Variants in SDK1 observed in about 807,000 individuals in gnomAD.
SDK1 encodes sidekick cell adhesion molecule 1.
A neutral mutation model predicts 245.5 loss-of-function variants in SDK1; 157 were observed. The observed-to-expected ratio is 0.64, with a 90% CI of 0.56 to 0.73. SDK1 has a LOEUF of 0.73. SDK1 is among the 30% of genes least tolerant of loss of function. The probability of loss-of-function intolerance (pLI) is 0.00; values close to 1 mark genes in which losing one functional copy is unlikely to be tolerated. For synonymous variants in SDK1, 1,647 were observed against 1,278.5 expected, an observed-to-expected ratio of 1.29 and a Z score of -6.15; for missense variants, 3,583 against 3,002.3, an observed-to-expected ratio of 1.19 and a Z score of -4.52.
intron 4 of SDK1, among the ~76,000 whole-genome samples, chr7:3,649,973 A>G (rs910175889): frequency 1.3e-5 from 2 of 151,936 alleles, no homozygotes; most frequent in Admixed American, 6.6e-5. Flanking sequence ...TATTCTGTAC[A>G]CAGTGGGAAG....
chr7:4,231,900 A>G (rs1229567446), intron 40 of SDK1, among the ~76,000 whole-genome samples: 2 of 152,226 alleles, frequency 1.3e-5, no homozygotes, highest in Non-Finnish European at 2.9e-5. Context: ...TAAAGTAGTC[A>G]GCACGGGTAC....
intron 5 of SDK1, 91 bp downstream of exon 5, chr7:3,821,674 A>G (rs1779649642): frequency 1.4e-6 from 2 of 1,415,556 alleles, no homozygotes; most frequent in Non-Finnish European, 1.9e-6. Flanking sequence ...TTTGCAATAA[A>G]TTTTCTCTCT....
At chr7:3,647,650 G>A (rs1355615034) in intron 4 of SDK1, among the ~76,000 whole-genome samples, 4 of 151,882 alleles carry the variant, frequency 2.6e-5, no homozygotes, top group Non-Finnish European at 5.9e-5. Context: ...GGCTGGTCTC[G>A]AACTCCTGAC....
intron 1 of SDK1, among the ~76,000 whole-genome samples, chr7:3,561,029 T>C (rs922079662): frequency 6.6e-5 from 10 of 152,276 alleles, no homozygotes; most frequent in East Asian, 1.9e-4. Context: ...ACATCTAACA[T>C]ACTATATGTT....
At chr7:3,776,352 A>C (rs970769800) in intron 4 of SDK1, among the ~76,000 whole-genome samples, 5 of 152,214 alleles carry the variant, frequency 3.3e-5, no homozygotes, top group Non-Finnish European at 7.3e-5. Context: ...TCTGTTTCCC[A>C]GTTGCACGGT....
At chr7:3,476,024 A>G (rs1049001125) in intron 1 of SDK1, 15 of 152,734 alleles carry the variant, frequency 9.8e-5, no homozygotes, top group African/African-American at 3.6e-4. Context: ...TTTCCTATTC[A>G]TCATCAAAAA....
chr7:4,240,516 C>T (rs927215194), intron 42 of SDK1, among the ~76,000 whole-genome samples: 2 of 152,136 alleles, frequency 1.3e-5, no homozygotes. Flanking sequence ...TCATTTTCTG[C>T]TCTGTGTTCT....
At chr7:3,527,226 T>C (rs1230915992) in intron 1 of SDK1, among the ~76,000 whole-genome samples, 1 of 152,198 alleles carries the variant, frequency 6.6e-6, no homozygotes, top group African/African-American at 2.4e-5. Flanking sequence ...TTGTAAGCAA[T>C]GGGAATGCTA....
chr7:3,869,718 G>A (rs1235913251), intron 5 of SDK1, among the ~76,000 whole-genome samples: 1 of 152,204 alleles, frequency 6.6e-6, no homozygotes, highest in Non-Finnish European at 1.5e-5. Context: ...GATCTCACCT[G>A]ACATTGAGAG....
chr7:3,533,867 GT>G (rs1159109774), intron 1 of SDK1, among the ~76,000 whole-genome samples: 1 of 150,298 alleles, frequency 6.7e-6, no homozygotes, highest in Non-Finnish European at 1.5e-5. Context: ...TTTGTTGCCT[GT>G]TTCATCTTCC....
At chr7:3,906,156 C>T (rs1778912872) in intron 5 of SDK1, among the ~76,000 whole-genome samples, 1 of 152,076 alleles carries the variant, frequency 6.6e-6, no homozygotes, top group South Asian at 2.1e-4. Flanking sequence ...TTGTCCTCAC[C>T]TTTGAGTTTT....
At chr7:3,407,229 A>AATTTC (rs780376398) in intron 1 of SDK1, among the ~76,000 whole-genome samples, 37 of 152,284 alleles carry the variant, frequency 2.4e-4, no homozygotes, top group Middle Eastern at 3.4e-3. Context: ...TTGCGTGAAA[A>AATTTC]ATTTCATAGA....
intron 17 of SDK1, among the ~76,000 whole-genome samples, chr7:4,021,271 C>T (rs1786872574): frequency 6.6e-6 from 1 of 152,202 alleles, no homozygotes; most frequent in East Asian, 1.9e-4. Context: ...CACCCCTCAT[C>T]TATCCACAGA....
intron 17 of SDK1, among the ~76,000 whole-genome samples, chr7:4,046,967 C>G (rs1789060756): frequency 6.6e-6 from 1 of 152,096 alleles, no homozygotes; most frequent in Admixed American, 6.5e-5. Context: ...TTCCAATGCA[C>G]CCATGTGATA....
intron 1 of SDK1, among the ~76,000 whole-genome samples, chr7:3,331,407 C>T (rs1302223572): frequency 1.3e-5 from 2 of 152,190 alleles, no homozygotes; most frequent in Admixed American, 6.5e-5. Context: ...TAATGTTGAG[C>T]ATCTTTTCAT....
At chr7:3,339,193 A>G (rs1197400825) in intron 1 of SDK1, among the ~76,000 whole-genome samples, 1 of 152,246 alleles carries the variant, frequency 6.6e-6, no homozygotes. Context: ...TAATAAAGAC[A>G]GAGGCATAAG....
chr7:4,034,960 A>G (rs1788106716), intron 17 of SDK1, among the ~76,000 whole-genome samples: 4 of 152,224 alleles, frequency 2.6e-5, no homozygotes, highest in Non-Finnish European at 4.4e-5. Flanking sequence ...ATGTAAATAT[A>G]TTTTATCTAT....
intron 5 of SDK1, among the ~76,000 whole-genome samples, chr7:3,874,183 G>C (rs1023542503): frequency 6.6e-6 from 1 of 152,162 alleles, no homozygotes; most frequent in African/African-American, 2.4e-5. Flanking sequence ...TCATTGCCAT[G>C]GTTACCCTCA....
At chr7:3,635,062 C>G (rs1471172118) in intron 2 of SDK1, among the ~76,000 whole-genome samples, 1 of 152,158 alleles carries the variant, frequency 6.6e-6, no homozygotes, top group African/African-American at 2.4e-5. Context: ...TTGTTTTAAG[C>G]TAATCTCACA....
Sources: allele counts gnomAD v4.1 joint callset (sites outside exome capture counted in the v4.1 genomes callset), GRCh38; gene constraint gnomAD v4.1.1; transcripts MANE v1.5; gene names NCBI Gene and HGNC (gene_info 2026-07-23, HGNC 2026-07-21).